Variants in TMEM87A observed in about 807,000 individuals in gnomAD.
The protein encoded by TMEM87A is transmembrane protein 87A.
A neutral mutation model predicts 90.0 loss-of-function variants in TMEM87A; 50 were observed. The observed-to-expected ratio is 0.56, with a 90% confidence interval of 0.44 to 0.70. The LOEUF (loss-of-function observed/expected upper bound fraction) is 0.70, where lower values mean the gene tolerates loss of function less well. Ranked by LOEUF, TMEM87A falls within the 30% of genes least tolerant of loss-of-function variation. The probability of loss-of-function intolerance (pLI) is 0.00; values close to 1 mark genes in which losing one functional copy is unlikely to be tolerated. For synonymous variants in TMEM87A, 226 were observed against 226.7 expected (o/e 1.00, Z 0.03); for missense variants, 577 against 660.5 (o/e 0.87, Z 1.39).
intron 15 of TMEM87A, among the ~76,000 whole-genome samples, chr15:42,222,700 A>G (rs1034735531): frequency 1.7e-4 from 26 of 152,104 alleles, no homozygotes; most frequent in African/African-American, 6.3e-4. Flanking sequence ...CTGGGATGAC[A>G]GGCGCCTGCC....
intron 6 of TMEM87A, among the ~76,000 whole-genome samples, chr15:42,253,340 A>G (rs2051119511): frequency 1.3e-5 from 2 of 152,104 alleles, no homozygotes; most frequent in Admixed American, 6.6e-5. Context: ...TTCTCCCACA[A>G]ATCTCCTTTC....
intron 19 of TMEM87A, among the ~76,000 whole-genome samples, chr15:42,215,556 A>G (rs1028630733): frequency 8.5e-5 from 13 of 152,178 alleles, no homozygotes; most frequent in African/African-American, 3.1e-4. Context: ...CAAAAAATCA[A>G]CTAACTTGAT....
chr15:42,273,540 C>A (rs958300404), upstream of TMEM87A: 4 of 1,388,266 alleles, frequency 2.9e-6, no homozygotes, highest in African/African-American at 1.5e-5. Context: ...GTAGCGGCCC[C>A]TCTCTCAGAC....
intron 6 of TMEM87A, among the ~76,000 whole-genome samples, chr15:42,246,814 T>C (rs1224325203): frequency 6.6e-6 from 1 of 152,230 alleles, no homozygotes; most frequent in Non-Finnish European, 1.5e-5. Flanking sequence ...TACCCAGTAA[T>C]GGGATGGCTG....
rs972674120 is a variant in TMEM87A, at chr15:42,226,238, G to C, written c.1403+568C>G. The stretch of plus-strand genomic sequence containing the variant: ...TGGTCTCGAACTCCTGACCTCAGGT[G>C]ATCCAACTGCCTTGGCCTCCCAAAG... On this transcript the variant is annotated intron_variant, in intron 15 of 19. Coordinates refer to ENST00000389834, the MANE Select transcript of TMEM87A (RefSeq NM_015497.5). 2.6e-5 allele frequency among the ~76,000 whole-genome samples: 4 copies of C among 151,826 alleles called. No homozygotes were observed. The East Asian group carries it at 7.8e-4, about 29-fold the overall frequency.
intron 3 of TMEM87A, among the ~76,000 whole-genome samples, chr15:42,266,877 A>T (rs1187454263): frequency 6.6e-6 from 1 of 152,122 alleles, no homozygotes; most frequent in Non-Finnish European, 1.5e-5. Context: ...TAAACTAATC[A>T]TTTTTTCCAC....
intron 6 of TMEM87A, among the ~76,000 whole-genome samples, chr15:42,245,683 C>T (rs2050959024): frequency 6.6e-6 from 1 of 151,776 alleles, no homozygotes; most frequent in Admixed American, 6.6e-5. Context: ...TGACACCACA[C>T]CCAGCTAATT....
chr15:42,222,885 T>A (rs1383743921), intron 15 of TMEM87A, among the ~76,000 whole-genome samples: 1 of 152,168 alleles, frequency 6.6e-6, no homozygotes, highest in South Asian at 2.1e-4. Context: ...TAAAAAGTCA[T>A]TAGAGAATAA....
intron 10 of TMEM87A, among the ~76,000 whole-genome samples, chr15:42,233,802 G>T (rs372969720): frequency 1.3e-5 from 2 of 152,004 alleles, no homozygotes; most frequent in South Asian, 2.1e-4. Context: ...AAAGAAACAG[G>T]GTCTCACTCT....
chr15:42,255,936 A>ACT (rs1555408625), intron 6 of TMEM87A, among the ~76,000 whole-genome samples: 1 of 140,552 alleles, frequency 7.1e-6, no homozygotes, highest in Admixed American at 7.1e-5. Flanking sequence ...CACCCAGCTA[A>ACT]TTTTTTTTTT....
intron 2 of TMEM87A, among the ~76,000 whole-genome samples, chr15:42,269,646 A>T (rs2051473572): frequency 6.6e-6 from 1 of 152,236 alleles, no homozygotes; most frequent in Non-Finnish European, 1.5e-5. Flanking sequence ...AGGCTTTAAG[A>T]GACAATAAGG....
chr15:42,219,019 T>TTCC (rs1389715747), intron 17 of TMEM87A: 1 of 153,210 alleles, frequency 6.5e-6, no homozygotes, highest in African/African-American at 2.4e-5. Context: ...CTAACTCACA[T>TTCC]TCCTATCAAC....
intron 6 of TMEM87A, 48 bp from the exon 7 acceptor site, chr15:42,244,215 G>T: frequency 7.7e-7 from 1 of 1,306,604 alleles, no homozygotes; most frequent in Non-Finnish European, 1.1e-6. Flanking sequence ...AGAATTAAGA[G>T]CACAAATTAA....
chr15:42,235,030 C>CTTTA (rs1387877844), intron 10 of TMEM87A, among the ~76,000 whole-genome samples: 3 of 152,164 alleles, frequency 2.0e-5, no homozygotes, highest in Admixed American at 6.5e-5. Context: ...AGTCTCATGA[C>CTTTA]TTTATTTATT....
intron 7 of TMEM87A, among the ~76,000 whole-genome samples, chr15:42,242,329 A>G (rs1489366678): frequency 6.6e-6 from 1 of 152,170 alleles, no homozygotes; most frequent in Non-Finnish European, 1.5e-5. Context: ...GTTTCAAAGA[A>G]AAAGAAGAGG....
chr15:42,267,909 T>C (rs757010072), intron 3 of TMEM87A, 38 bp downstream of exon 3: 9 of 1,535,342 alleles, frequency 5.9e-6, no homozygotes, highest in South Asian at 1.1e-5. Context: ...AGATAATCAC[T>C]AAGGTCCAAA....
chr15:42,236,759 C>T (rs530422764), intron 9 of TMEM87A, among the ~76,000 whole-genome samples: 4 of 152,176 alleles, frequency 2.6e-5, no homozygotes, highest in Non-Finnish European at 5.9e-5. Context: ...TACAGCTACA[C>T]ATAGAAAAGC....
At chr15:42,215,400 C>T (rs1257547366) in intron 19 of TMEM87A, among the ~76,000 whole-genome samples, 1 of 152,152 alleles carries the variant, frequency 6.6e-6, no homozygotes, top group Non-Finnish European at 1.5e-5. Flanking sequence ...ACTTGGGAGG[C>T]TGAGGCAGGA....
chr15:42,230,773 A>C (rs1352086651), intron 12 of TMEM87A, among the ~76,000 whole-genome samples: 1 of 152,204 alleles, frequency 6.6e-6, no homozygotes, highest in East Asian at 1.9e-4. Context: ...ATAGTTCCTG[A>C]AATCAAATTT....
Sources: allele counts gnomAD v4.1 joint callset (sites outside exome capture counted in the v4.1 genomes callset), GRCh38; gene constraint gnomAD v4.1.1; transcripts MANE v1.5; gene names NCBI Gene and HGNC (gene_info 2026-07-23, HGNC 2026-07-21).